The following ATP1B1 variants were observed in gnomAD, a reference collection of about 807,000 sequenced individuals.
ATP1B1 encodes the protein sodium/potassium-transporting ATPase subunit beta-1.
ATP1B1 carries 3 observed loss-of-function variants against 39.6 expected under a neutral mutation model. The ratio of observed to expected loss-of-function variants is 0.08; its 90% CI spans 0.03 to 0.20. ATP1B1 has a LOEUF of 0.20. ATP1B1 is among the 10% of genes least tolerant of loss of function. The pLI, the probability that ATP1B1 is intolerant of heterozygous loss-of-function variation, is 1.00. For missense variants in ATP1B1, 216 were observed against 371.1 expected, an observed-to-expected ratio of 0.58 and a Z score of 3.43; for synonymous variants, 139 against 135.0, an observed-to-expected ratio of 1.03 and a Z score of -0.20.
At chr1:169,113,150 C>T (rs932752728) in intron 2 of ATP1B1, among the ~76,000 whole-genome samples, 1 of 151,894 alleles carries the variant, frequency 6.6e-6, no homozygotes, top group Non-Finnish European at 1.5e-5. Context: ...ACTGCAGTCT[C>T]CGCCTCTCAG....
At chr1:169,111,592 A>C in intron 2 of ATP1B1, 94 bp downstream of exon 2, 2 of 1,501,460 alleles carry the variant, frequency 1.3e-6, no homozygotes, top group South Asian at 1.3e-5. Context: ...TTACTCTATA[A>C]TGTAGTCTTA....
chr1:169,113,680 A>C (rs890999901), intron 2 of ATP1B1, among the ~76,000 whole-genome samples: 1 of 152,000 alleles, frequency 6.6e-6, no homozygotes, highest in Non-Finnish European at 1.5e-5. Flanking sequence ...CCTTCCTTCC[A>C]TCCCCTTCCT....
chr1:169,110,720 C>A, intron 1 of ATP1B1: 1 of 1,265,566 alleles, frequency 7.9e-7, no homozygotes, highest in South Asian at 1.3e-5. Context: ...GTCATTTTCA[C>A]TATAGAATTT....
rs139560310 is a variant in ATP1B1 at position 169,117,050 on chromosome 1, G to GA, written c.226+5555dup. Among the ~76,000 whole-genome samples, 621 of 152,284 alleles carry GA rather than the reference G, an allele frequency of 4.1e-3. 4 individuals are homozygous for GA. The highest frequency in any genetic ancestry group is 0.014 in the African/African-American group (581 of 41,544). ...TCACACTTCAAAGGAGAAATAAGGG[G>GA]AAATTAGAAACATTTGGCTTCCTTA... On this transcript the variant is annotated intron_variant, in intron 2 of 5. Coordinates refer to ENST00000367815, the MANE Select transcript of ATP1B1 (RefSeq NM_001677.4).
intron 2 of ATP1B1, among the ~76,000 whole-genome samples, chr1:169,116,453 G>A (rs929533996): frequency 1.3e-5 from 2 of 152,174 alleles, no homozygotes; most frequent in African/African-American, 4.8e-5. Context: ...TTGGTAATCA[G>A]AATCGGGCAG....
In ATP1B1 at chr1:169,127,338, C is replaced by G. The variant is rs751890173; in HGVS notation, c.497C>G (p.Thr166Ser). 65 of 1,612,184 alleles carry G rather than the reference C, an allele frequency of 4.0e-5. 1 individual carries two copies. Among genetic ancestry groups the G allele is most frequent in the Admixed American group, 2.7e-4 (16 of 59,654 alleles). ...AATTGCTCTGGATTAAATGATGAAACTTATGGCTACAAAGAGGGCAAACCG... is the reference window on the plus strand; with the variant it reads ...AATTGCTCTGGATTAAATGATGAAAGTTATGGCTACAAAGAGGGCAAACCG... ...LGNCSGLNDETYGYKEGKPCI... is the reference protein window; with the variant it reads ...LGNCSGLNDESYGYKEGKPCI... Residue 166 changes from threonine to serine, a missense_variant, in exon 4 of 6, where the codon ACT (threonine) becomes AGT (serine). By Grantham distance (58) the Thr-to-Ser change is moderately conservative. Coordinates refer to ENST00000367815, the MANE Select transcript of ATP1B1 (RefSeq NM_001677.4).
In ATP1B1 at chr1:169,117,615, A is replaced by AT. The variant is rs562531473; in HGVS notation, c.226+6123dup. Among the ~76,000 whole-genome samples the AT allele has an allele frequency of 9.9e-5, 15 of 151,884 alleles. No homozygotes were observed. In the South Asian group the frequency reaches 2.7e-3, roughly 27 times the overall value. On this transcript the variant is annotated intron_variant, in intron 2 of 5. Transcript: ENST00000367815. ...TGGATTTGTGAAGCTTCATTTAAGG[A>AT]TTTTTTGCTGCATTCACCCAAGGGT...
intron 2 of ATP1B1, among the ~76,000 whole-genome samples, chr1:169,124,289 G>C (rs1658044376): frequency 6.6e-6 from 1 of 152,192 alleles, no homozygotes; most frequent in South Asian, 2.1e-4. Flanking sequence ...TGTGGTTACT[G>C]CATGTATGTC....
At chr1:169,121,914 G>A (rs76242593) in intron 2 of ATP1B1, among the ~76,000 whole-genome samples, 4,648 of 152,070 alleles carry the variant, frequency 0.031, 219 homozygotes, top group African/African-American at 0.1. Context: ...CCTGGCTGTG[G>A]GTCTTCCCCT....
chr1:169,108,982 C>T (rs1288020609), intron 1 of ATP1B1, among the ~76,000 whole-genome samples: 1 of 152,236 alleles, frequency 6.6e-6, no homozygotes, highest in African/African-American at 2.4e-5. Context: ...TTTTCCAGCA[C>T]TGGGCCCAAC....
chr1:169,106,889 G>T lies in ATP1B1; in HGVS notation c.60G>T (p.Glu20Asp), dbSNP rs1196489636. The T allele has an allele frequency of 3.2e-6, 5 of 1,585,272 alleles. No homozygotes were observed. Among genetic ancestry groups the T allele is most frequent in the Middle Eastern group, 2.2e-4 (1 of 4,598 alleles). Residue 20 changes from glutamate (E) to aspartate (D), a missense_variant, in exon 1 of 6, where the codon GAG (glutamate) becomes GAT (aspartate). Coordinates refer to ENST00000367815, the MANE Select transcript of ATP1B1 (RefSeq NM_001677.4). ...GSWKKFIWNS[E>D]KKEFLGRTGG... ...GGAAGAAATTCATCTGGAACTCAGA[G>T]AAGAAGGAGTTTCTGGGCAGGACCG...
chr1:169,107,055 G>A (rs1037138263), intron 1 of ATP1B1, 129 bp downstream of exon 1: 3 of 858,432 alleles, frequency 3.5e-6, no homozygotes, highest in Non-Finnish European at 5.2e-6. Flanking sequence ...GAGGGTGGTG[G>A]ACGCTGCTGG....
chr1:169,111,970 A>T (rs1657739328), intron 2 of ATP1B1, among the ~76,000 whole-genome samples: 1 of 152,174 alleles, frequency 6.6e-6, no homozygotes, highest in African/African-American at 2.4e-5. Context: ...ATTTTTAGAG[A>T]TGATAAGAAG....
chr1:169,122,663 C>T (rs1017744887), intron 2 of ATP1B1, among the ~76,000 whole-genome samples: 3 of 150,156 alleles, frequency 2.0e-5, no homozygotes, highest in African/African-American at 7.3e-5. Flanking sequence ...AATTCTGCTA[C>T]TTCCCCTTTG....
In ATP1B1 at chr1:169,131,249, C is replaced by T. The variant is rs371857234; in HGVS notation, c.649-43C>T. 2.9e-5 allele frequency: 46 copies of T among 1,597,832 alleles called. No individual in the cohort carries two copies. The highest frequency in any genetic ancestry group is 3.6e-5 in the Non-Finnish European group (42 of 1,171,786). On this transcript the variant is annotated intron_variant, in intron 5 of 5. Transcript: ENST00000367815. The surrounding 1 kb of genome is among the most constrained non-coding windows in gnomAD (Gnocchi z 4.4). ...TTGTTTTTGAGTACACATAGTGATG[C>T]ATGATGTGAGCCATTAAAATTTCAT...
In ATP1B1 at chr1:169,125,693, G is replaced by A. The variant is rs561774848; in HGVS notation, c.382+654G>A. ...ATTCTTTCCACAAAAAAATACTCTC[G>A]CTGGGTGCAGTGGCTCATGCCTGTA... On this transcript the variant is annotated intron_variant, in intron 3 of 5. Transcript: ENST00000367815. Among the ~76,000 whole-genome samples, 9 of 152,148 alleles carry A rather than the reference G, an allele frequency of 5.9e-5. No homozygotes were observed. In the East Asian group the frequency reaches 7.7e-4, roughly 13 times the overall value.
At chr1:169,109,757 A>G (rs1488630529) in intron 1 of ATP1B1, among the ~76,000 whole-genome samples, 4 of 147,200 alleles carry the variant, frequency 2.7e-5, no homozygotes, top group African/African-American at 1.0e-4. Context: ...GTAAGGTAAG[A>G]GCACCAAGAT....
intron 1 of ATP1B1, among the ~76,000 whole-genome samples, chr1:169,109,950 C>G (rs546246757): frequency 6.6e-6 from 1 of 152,246 alleles, no homozygotes; most frequent in African/African-American, 2.4e-5. Context: ...AGCACTTAAC[C>G]CTTGTCCTGC....
chr1:169,128,353 A>T (rs1658131697), intron 4 of ATP1B1, among the ~76,000 whole-genome samples: 1 of 152,184 alleles, frequency 6.6e-6, no homozygotes, highest in South Asian at 2.1e-4. Context: ...GAATGCTATT[A>T]ATTTATTTCT....
Sources: allele counts gnomAD v4.1 joint callset (sites outside exome capture counted in the v4.1 genomes callset), GRCh38; gene constraint gnomAD v4.1.1; non-coding constraint Gnocchi (gnomAD v3.1); transcripts MANE v1.5; gene names NCBI Gene and HGNC (gene_info 2026-07-23, HGNC 2026-07-21).